The following FHIT variants were observed in gnomAD, a reference collection of about 807,000 sequenced individuals.
FHIT encodes the protein fragile histidine triad diadenosine triphosphatase.
FHIT carries 19 observed loss-of-function variants against 17.9 expected under a neutral mutation model. The ratio of observed to expected loss-of-function variants is 1.06; its 90% CI spans 0.74 to 1.56. The LOEUF (loss-of-function observed/expected upper bound fraction) is 1.56. FHIT is among the 40% of genes most tolerant of loss of function. FHIT has a pLI of 0.00. For missense variants in FHIT, 248 were observed against 189.2 expected (o/e 1.31, Z -1.82); for synonymous variants, 81 against 69.7 (o/e 1.16, Z -0.81).
intron 5 of FHIT, among the ~76,000 whole-genome samples, chr3:60,081,201 C>T (rs1456077523): frequency 6.6e-6 from 1 of 152,064 alleles, no homozygotes; most frequent in Non-Finnish European, 1.5e-5. Context: ...TGGGCTCTGA[C>T]CCAGGTCTGG....
chr3:59,791,655 G>T (rs190868565), intron 8 of FHIT, among the ~76,000 whole-genome samples: 315 of 152,218 alleles, frequency 2.1e-3, no homozygotes, highest in Non-Finnish European at 3.2e-3. Context: ...AAATGTGGGT[G>T]ATTCATTTCT....
intron 3 of FHIT, among the ~76,000 whole-genome samples, chr3:60,923,324 C>T (rs1159384151): frequency 6.6e-6 from 1 of 152,178 alleles, no homozygotes; most frequent in Non-Finnish European, 1.5e-5. Context: ...AAACATGACA[C>T]TGCCATAACC....
At chr3:60,655,319 T>A (rs555838295) in intron 4 of FHIT, among the ~76,000 whole-genome samples, 1 of 152,230 alleles carries the variant, frequency 6.6e-6, no homozygotes, top group African/African-American at 2.4e-5. Context: ...TTTGCTTTCA[T>A]AAAAAACAAT....
intron 3 of FHIT, among the ~76,000 whole-genome samples, chr3:60,955,607 T>TATATATATATATACATATATATATATAC (rs1559862210): frequency 3.5e-4 from 4 of 11,564 alleles, no homozygotes; most frequent in South Asian, 3.5e-3. Context: ...CATATATATA[T>TATATATATATATACATATATATATATAC]ATATATATAT....
At chr3:59,897,722 C>G (rs180987110) in intron 8 of FHIT, among the ~76,000 whole-genome samples, 1 of 151,314 alleles carries the variant, frequency 6.6e-6, no homozygotes, top group Admixed American at 6.5e-5. Context: ...CATCCCTAAT[C>G]TGAAAATCTG....
At chr3:60,121,708 A>AC (rs1491433599) in intron 5 of FHIT, among the ~76,000 whole-genome samples, 1 of 86,690 alleles carries the variant, frequency 1.2e-5, no homozygotes, top group Non-Finnish European at 2.4e-5. Context: ...CAAACAAAAC[A>AC]AACACACACA....
chr3:59,876,800 T>G (rs1703183049), intron 8 of FHIT, among the ~76,000 whole-genome samples: 1 of 152,224 alleles, frequency 6.6e-6, no homozygotes, highest in Admixed American at 6.5e-5. Flanking sequence ...ACTCCAATTT[T>G]GAGAGGAAGC....
chr3:60,699,704 A>AAG (rs1343690467), intron 4 of FHIT, among the ~76,000 whole-genome samples: 2 of 121,478 alleles, frequency 1.6e-5, no homozygotes, highest in Non-Finnish European at 3.2e-5. Context: ...AAAAATTAAA[A>AAG]AAAAAAGCAT....
intron 7 of FHIT, among the ~76,000 whole-genome samples, chr3:59,989,327 T>C (rs140040254): frequency 2.6e-5 from 4 of 152,110 alleles, no homozygotes; most frequent in African/African-American, 7.2e-5. Context: ...GATGGCTGAC[T>C]TCCCCCACAC....
intron 8 of FHIT, among the ~76,000 whole-genome samples, chr3:59,772,942 A>G (rs564704943): frequency 1.3e-4 from 20 of 152,340 alleles, no homozygotes; most frequent in African/African-American, 4.8e-4. Flanking sequence ...GACTGCCACA[A>G]CGAACACATT....
At chr3:60,794,373 AATGGATGGATGG>A (rs34723569) in intron 4 of FHIT, among the ~76,000 whole-genome samples, 41 of 149,618 alleles carry the variant, frequency 2.7e-4, no homozygotes, top group Middle Eastern at 6.8e-3. Context: ...GGGAAGGAAA[AATGGATGGATGG>A]ATGGATGGAT....
At chr3:59,881,616 G>A (rs1417926294) in intron 8 of FHIT, among the ~76,000 whole-genome samples, 1 of 152,150 alleles carries the variant, frequency 6.6e-6, no homozygotes, top group Non-Finnish European at 1.5e-5. Context: ...ACAAACTCCA[G>A]TGTAAAAAAC....
rs554541166 is a variant in FHIT at position 60,060,426 on chromosome 3, CTTTA to C, written c.104-46278_104-46275del. On this transcript the variant is annotated intron_variant, in intron 5 of 9. Transcript: ENST00000492590. ...TAAATATGCATCACATAACAAAGTT[CTTTA>C]TTTCTAAGAACTTTCTCCAAATCCT... Among the ~76,000 whole-genome samples, 348 of 152,248 alleles carry C rather than the reference CTTTA, an allele frequency of 2.3e-3. 2 individuals carry two copies. Among genetic ancestry groups the C allele is most frequent in the African/African-American group, 7.9e-3 (330 of 41,556 alleles).
chr3:59,994,485 C>A (rs976642172), intron 7 of FHIT, among the ~76,000 whole-genome samples: 1 of 152,084 alleles, frequency 6.6e-6, no homozygotes, highest in African/African-American at 2.4e-5. Context: ...AAATCCCATG[C>A]CGCATCTGAC....
At position 60,468,765 on chromosome 3, in the gene FHIT, C is replaced by A. The variant is rs554565929; in HGVS notation, c.103+68095G>T. On this transcript the variant is annotated intron_variant, in intron 5 of 9. Transcript: ENST00000492590. Reference sequence around the variant, plus strand: ...TTATTTTTCTGTGTACTTACTATTACCAGTAAGTTTTCTACTTTCAGATAG... The same window carrying A: ...TTATTTTTCTGTGTACTTACTATTAACAGTAAGTTTTCTACTTTCAGATAG... 2.5e-4 allele frequency among the ~76,000 whole-genome samples: 38 copies of A among 152,176 alleles called. 1 individual carries two copies. Among genetic ancestry groups the A allele is most frequent in the African/African-American group, 7.7e-4 (32 of 41,546 alleles).
At chr3:61,106,018 C>G (rs544715285) in intron 2 of FHIT, among the ~76,000 whole-genome samples, 162 of 152,232 alleles carry the variant, frequency 1.1e-3, no homozygotes, top group Non-Finnish European at 1.9e-3. Context: ...ATAGAGAGGT[C>G]TTAATGTTTT....
chr3:61,197,574 A>G (rs1049102011), intron 2 of FHIT, among the ~76,000 whole-genome samples: 1 of 152,230 alleles, frequency 6.6e-6, no homozygotes, highest in Non-Finnish European at 1.5e-5. Context: ...TTCCATTCTC[A>G]TTCTACATTC....
intron 3 of FHIT, among the ~76,000 whole-genome samples, chr3:61,032,874 G>T (rs1276538319): frequency 1.3e-5 from 2 of 152,210 alleles, no homozygotes; most frequent in Non-Finnish European, 2.9e-5. Flanking sequence ...AGGAAAGCAG[G>T]AGGTATAGTT....
At chr3:60,428,973 T>C (rs1219214632) in intron 5 of FHIT, among the ~76,000 whole-genome samples, 2 of 152,126 alleles carry the variant, frequency 1.3e-5, no homozygotes, top group East Asian at 3.9e-4. Context: ...CCTTAAGGTG[T>C]TAAGAGTTGA....
Sources: gnomAD v4.1 joint callset for allele counts (sites outside exome capture counted in the v4.1 genomes callset) on GRCh38, gnomAD v4.1.1 for gene constraint, MANE v1.5 for transcripts, NCBI Gene and HGNC (gene_info 2026-07-23, HGNC 2026-07-21) for gene names.